Variants in CCDC186 observed in about 807,000 individuals in gnomAD.
The protein encoded by CCDC186 is coiled-coil domain-containing protein 186.
A neutral mutation model predicts 113.7 loss-of-function variants in CCDC186; 49 were observed. The observed-to-expected ratio is 0.43, with a 90% confidence interval of 0.34 to 0.55. CCDC186 has a LOEUF of 0.55. Among genes scored for constraint, CCDC186 ranks in the 20% least tolerant of loss-of-function variants. CCDC186 has a pLI of 0.02. For synonymous variants in CCDC186, 355 were observed against 345.8 expected, an observed-to-expected ratio of 1.03 and a Z score of -0.30; for missense variants, 890 against 1,011.1, an observed-to-expected ratio of 0.88 and a Z score of 1.62.
chr10:114,165,584 G>A (rs998001754), intron 1 of CCDC186, among the ~76,000 whole-genome samples: 1 of 152,150 alleles, frequency 6.6e-6, no homozygotes, highest in Admixed American at 6.5e-5. Context: ...CCAGCTACTC[G>A]GGGAGCTGAG....
Position 114,131,180 on chromosome 10 carries a change from T to G in CCDC186, c.2068A>C (p.Ser690Arg). 6.3e-7 allele frequency: 1 copy of G among 1,582,144 alleles called. No homozygotes were observed. Among genetic ancestry groups the G allele is most frequent in the East Asian group, 2.3e-5 (1 of 42,756 alleles). The change falls in exon 12 of 16, where the codon AGT becomes CGT. Residue 690 changes from serine (S) to arginine (R), a missense_variant. Ser to Arg is a moderately radical substitution (Grantham distance 110). Transcript: ENST00000369287. ...LVTQRRKHAS[S>R]IKDLTKQLQQ... ...AGTTGTTTGGTGAGATCCTTGATACTAGAGGCATGTTTACGTCTCTGAGTT... is the reference window on the plus strand; with the variant it reads ...AGTTGTTTGGTGAGATCCTTGATACGAGAGGCATGTTTACGTCTCTGAGTT...
intron 6 of CCDC186, among the ~76,000 whole-genome samples, chr10:114,142,612 T>A (rs1316187257): frequency 2.0e-5 from 3 of 152,226 alleles, no homozygotes; most frequent in Non-Finnish European, 4.4e-5. Context: ...CAAAGGAGTT[T>A]AGGGAAGGAA....
intron 3 of CCDC186, among the ~76,000 whole-genome samples, chr10:114,155,403 A>G (rs1274104922): frequency 6.6e-6 from 1 of 152,228 alleles, no homozygotes; most frequent in Non-Finnish European, 1.5e-5. Flanking sequence ...AGCTGGGCGC[A>G]GTGGCTCACG....
At chr10:114,141,949 T>C (rs1331853037) in intron 6 of CCDC186, among the ~76,000 whole-genome samples, 3 of 152,224 alleles carry the variant, frequency 2.0e-5, no homozygotes, top group Non-Finnish European at 2.9e-5. Context: ...TTGTCTTTTG[T>C]TTTTTAAGGT....
At chr10:114,142,883 T>C (rs2031523077) in intron 6 of CCDC186, among the ~76,000 whole-genome samples, 1 of 152,178 alleles carries the variant, frequency 6.6e-6, no homozygotes, top group African/African-American at 2.4e-5. Context: ...ACCACATGAT[T>C]ATTAAATCTT....
rs187103984 is a variant in CCDC186 at position 114,142,084 on chromosome 10, A to G, written c.1221+2413T>C. Among the ~76,000 whole-genome samples the G allele has an allele frequency of 2.1e-4, 32 of 152,362 alleles. No individual in the cohort carries two copies. In the East Asian group the frequency reaches 5.8e-3, roughly 28 times the overall value. ...TAAGTGAGATAAAATGGCAAAGCAA[A>G]TAAGAAGCCCATTCTGGCTTCTAAT... is the stretch of plus-strand genomic sequence containing the variant. On this transcript the variant is annotated intron_variant, in intron 6 of 15. Coordinates refer to ENST00000369287, the MANE Select transcript of CCDC186 (RefSeq NM_018017.4).
intron 1 of CCDC186, among the ~76,000 whole-genome samples, chr10:114,168,579 C>A (rs116660040): frequency 9.2e-5 from 14 of 152,268 alleles, no homozygotes; most frequent in African/African-American, 3.4e-4. Flanking sequence ...ACTAAACTGG[C>A]TCGACTGGTC....
chr10:114,127,880 G>T (rs531951905), intron 13 of CCDC186, among the ~76,000 whole-genome samples: 1 of 152,310 alleles, frequency 6.6e-6, no homozygotes, highest in South Asian at 2.1e-4. Flanking sequence ...CTCTCAGGAA[G>T]TGGTAATAGA....
intron 13 of CCDC186, among the ~76,000 whole-genome samples, chr10:114,129,210 C>A (rs1204000030): frequency 6.6e-6 from 1 of 151,944 alleles, no homozygotes. Context: ...GCCTATAGTT[C>A]CGGTTACTTG....
At chr10:114,144,388 C>T in intron 6 of CCDC186, 109 bp downstream of exon 6, 1 of 1,360,864 alleles carries the variant, frequency 7.3e-7, no homozygotes. Flanking sequence ...GCTCTTAAAA[C>T]TCATTCTAAT....
intron 3 of CCDC186, among the ~76,000 whole-genome samples, chr10:114,157,178 A>ATTTTTTTTTT (rs34377537): frequency 8.3e-6 from 1 of 121,188 alleles, no homozygotes; most frequent in Non-Finnish European, 1.7e-5. Context: ...AGTTTTCAGA[A>ATTTTTTTTTT]TTTTTTTTTT....
chr10:114,125,258 A>T lies in CCDC186; in HGVS notation c.2614-32T>A, dbSNP rs1405749658. 7 of 1,461,528 alleles carry T rather than the reference A, an allele frequency of 4.8e-6. No individual in the cohort carries two copies. In the South Asian group the frequency reaches 8.4e-5, roughly 17 times the overall value. 90.5% of individuals were successfully genotyped at this position (1,461,528 alleles called of 1,614,324 possible). ...TAATTGGGGTGAGGGGAAAGGGAAG[A>T]GAAAAACAAAAGTATAATAAATAAA... On this transcript the variant is annotated intron_variant, in intron 15 of 15. Transcript: ENST00000369287.
intron 12 of CCDC186, 94 bp downstream of exon 12, chr10:114,131,053 G>C: frequency 1.9e-6 from 2 of 1,078,564 alleles, no homozygotes; most frequent in Non-Finnish European, 2.5e-6. Context: ...AAAACATACA[G>C]CTTCAATCAA....
chr10:114,145,669 C>A lies in CCDC186; in HGVS notation c.981G>T (p.Lys327Asn), dbSNP rs367843443. 8.2e-5 allele frequency: 133 copies of A among 1,612,466 alleles called. No homozygotes were observed. The highest frequency in any genetic ancestry group is 1.1e-4 in the Non-Finnish European group (127 of 1,179,620). The part of the protein sequence containing the change: ...RGEKESLDLR[K>N]EKETLEKKLR... ...GTTTTTTCTCAAGTGTCTCTTTTTC[C>A]TTTCGAAGATCTAAAGATTCCTTCT... The change falls in exon 5 of 16, where the codon AAG (lysine) becomes AAT (asparagine). Residue 327 changes from lysine to asparagine, a missense_variant. Lys to Asn is a moderately conservative substitution (Grantham distance 94). Coordinates refer to ENST00000369287, the MANE Select transcript of CCDC186 (RefSeq NM_018017.4).
At chr10:114,140,675 T>C (rs1395219313) in intron 6 of CCDC186, among the ~76,000 whole-genome samples, 3 of 152,214 alleles carry the variant, frequency 2.0e-5, no homozygotes, top group Non-Finnish European at 2.9e-5. Flanking sequence ...TGTTTTCAAG[T>C]ACACTAATCT....
chr10:114,161,708 G>A (rs2032172411), intron 2 of CCDC186: 1 of 152,098 alleles, frequency 6.6e-6, no homozygotes, highest in South Asian at 2.1e-4. Flanking sequence ...ATCAAGAAGG[G>A]CCTTGGAGTC....
chr10:114,160,455 T>C (rs2032138588), intron 2 of CCDC186, among the ~76,000 whole-genome samples: 1 of 152,280 alleles, frequency 6.6e-6, no homozygotes, highest in Non-Finnish European at 1.5e-5. Context: ...GGATCTAATA[T>C]ACTCCATGGT....
intron 6 of CCDC186, among the ~76,000 whole-genome samples, chr10:114,139,562 CAAAAAAAAAAAAG>C (rs2031400137): frequency 8.9e-6 from 1 of 112,124 alleles, no homozygotes; most frequent in African/African-American, 3.4e-5. Flanking sequence ...GACTCCATCT[CAAAAAAAAAAAAG>C]AAAAGAAAAA....
intron 2 of CCDC186, chr10:114,162,224 C>A (rs1198296510): frequency 1.3e-5 from 2 of 154,480 alleles, no homozygotes; most frequent in Non-Finnish European, 1.4e-5. Context: ...ATTTACTGAA[C>A]GATAATCAAT....
Sources: gnomAD v4.1 joint callset for allele counts (sites outside exome capture counted in the v4.1 genomes callset) on GRCh38, gnomAD v4.1.1 for gene constraint, MANE v1.5 for transcripts, NCBI Gene and HGNC (gene_info 2026-07-23, HGNC 2026-07-21) for gene names.